Variants in TBC1D14 observed in about 807,000 individuals in gnomAD.
The protein encoded by TBC1D14 is TBC1 domain family, member 14.
In TBC1D14, 26 loss-of-function variants were observed where a neutral mutation model predicts 79.0. The ratio of observed to expected loss-of-function variants is 0.33; its 90% CI spans 0.24 to 0.46. TBC1D14 has a LOEUF of 0.46. TBC1D14 is among the 20% of genes least tolerant of loss of function. The probability of loss-of-function intolerance (pLI) is 1.00; values close to 1 mark genes in which losing one functional copy is unlikely to be tolerated. For missense variants in TBC1D14, 769 were observed against 887.6 expected, an observed-to-expected ratio of 0.87 and a Z score of 1.70; for synonymous variants, 394 against 349.9, an observed-to-expected ratio of 1.13 and a Z score of -1.40.
intron 6 of TBC1D14, among the ~76,000 whole-genome samples, chr4:6,999,645 G>T (rs1356892724): frequency 6.6e-6 from 1 of 152,172 alleles, no homozygotes; most frequent in African/African-American, 2.4e-5. Context: ...TAAACCTGGG[G>T]CCTCGCATGT....
intron 2 of TBC1D14, among the ~76,000 whole-genome samples, chr4:6,924,412 G>A (rs1321277598): frequency 6.6e-6 from 1 of 152,166 alleles, no homozygotes; most frequent in Non-Finnish European, 1.5e-5. Context: ...GAGCCTCTGC[G>A]GGGCCCTGTG....
rs570031474 is a variant in TBC1D14 at position 6,939,478 on chromosome 4, A to G, written c.722+15367A>G. Among the ~76,000 whole-genome samples the G allele has an allele frequency of 1.1e-4, 16 of 152,224 alleles. No homozygotes were observed. In the South Asian group the frequency reaches 3.1e-3, roughly 30 times the overall value. Reference sequence around the variant, plus strand: ...TCTCACTTATTGTACGCTGGTGCTCATTAGAACTCAGCAAGTGCTTGCCAG... The same window carrying G: ...TCTCACTTATTGTACGCTGGTGCTCGTTAGAACTCAGCAAGTGCTTGCCAG... On this transcript the variant is annotated intron_variant, in intron 2 of 13. Transcript: ENST00000409757.
intron 12 of TBC1D14, among the ~76,000 whole-genome samples, chr4:7,022,993 C>T (rs1414431650): frequency 3.3e-5 from 5 of 152,160 alleles, no homozygotes; most frequent in African/African-American, 7.2e-5. Flanking sequence ...TGGTGGCTCA[C>T]GCCTGTAATC....
At chr4:6,979,543 C>T (rs1054316254) in intron 3 of TBC1D14, among the ~76,000 whole-genome samples, 5 of 152,024 alleles carry the variant, frequency 3.3e-5, no homozygotes, top group African/African-American at 1.2e-4. Context: ...ATCGCTTGAG[C>T]CCAGGAGTTT....
At chr4:6,929,730 T>A (rs940456271) in intron 2 of TBC1D14, among the ~76,000 whole-genome samples, 1 of 152,174 alleles carries the variant, frequency 6.6e-6, no homozygotes, top group African/African-American at 2.4e-5. Flanking sequence ...AAGATGAAAG[T>A]CTGCACAGGA....
At chr4:6,921,166 C>G (rs1426840896) in intron 1 of TBC1D14, among the ~76,000 whole-genome samples, 2 of 151,990 alleles carry the variant, frequency 1.3e-5, no homozygotes, top group African/African-American at 4.8e-5. Context: ...TGCCACATAC[C>G]CTCCCTTCCT....
Position 6,923,806 on chromosome 4 carries a change from G to C in TBC1D14, c.417G>C (p.Lys139Asn). Residue 139 changes from lysine to asparagine, a missense_variant, in exon 2 of 14, where the codon AAG becomes AAC. By Grantham distance (94) the Lys-to-Asn change is moderately conservative. Coordinates refer to ENST00000409757, the MANE Select transcript of TBC1D14 (RefSeq NM_020773.3). ...TFPRTGYDSVKLYSPTSKALT... is the reference protein window; with the variant it reads ...TFPRTGYDSVNLYSPTSKALT... ...CCAGGACAGGCTATGACTCGGTAAA[G>C]CTCTATAGCCCGACCTCCAAAGCCC... is the stretch of plus-strand genomic sequence containing the variant. 3 of 1,614,162 alleles carry C rather than the reference G, an allele frequency of 1.9e-6. No individual in the cohort carries two copies. The highest frequency in any genetic ancestry group is 2.5e-6 in the Non-Finnish European group (3 of 1,180,046).
At chr4:6,950,939 A>G (rs2109002089) in intron 2 of TBC1D14, among the ~76,000 whole-genome samples, 1 of 152,324 alleles carries the variant, frequency 6.6e-6, no homozygotes, top group East Asian at 1.9e-4. Context: ...CTGTTTTCTC[A>G]AAGAGTTTCT....
chr4:6,988,042 G>C (rs1019073443), intron 3 of TBC1D14, among the ~76,000 whole-genome samples: 2 of 152,200 alleles, frequency 1.3e-5, no homozygotes, highest in Non-Finnish European at 2.9e-5. Context: ...CTTACTGTGA[G>C]GTCAGGCTTC....
In TBC1D14 at chr4:7,004,817, A is replaced by G. The variant is rs755766812; in HGVS notation, c.1271-27A>G. The G allele has an allele frequency of 2.5e-6, 4 of 1,612,722 alleles. No individual in the cohort carries two copies. The South Asian group carries it at 4.4e-5, about 18-fold the overall frequency. ...TTGACGAAAAATACATGTGCACGTA[A>G]TACTTACCCAGAGGCTTTTCTTCCA... On this transcript the variant is annotated intron_variant, in intron 7 of 13. Coordinates refer to ENST00000409757, the MANE Select transcript of TBC1D14 (RefSeq NM_020773.3).
chr4:7,028,705 G>C (rs760067775), intron 13 of TBC1D14, among the ~76,000 whole-genome samples: 3 of 151,828 alleles, frequency 2.0e-5, no homozygotes, highest in Non-Finnish European at 2.9e-5. Context: ...GATTATAGGC[G>C]TGAGCCACCA....
At chr4:6,972,555 G>A (rs995628807) in intron 3 of TBC1D14, among the ~76,000 whole-genome samples, 2 of 152,124 alleles carry the variant, frequency 1.3e-5, no homozygotes, top group Non-Finnish European at 2.9e-5. Context: ...GCCCTTCCCT[G>A]TCCACTGTCA....
chr4:6,953,340 G>T (rs1445284900), intron 2 of TBC1D14, among the ~76,000 whole-genome samples: 2 of 134,818 alleles, frequency 1.5e-5, no homozygotes, highest in Non-Finnish European at 3.2e-5. Flanking sequence ...TAGATCAGTT[G>T]GCCGGGCGCG....
chr4:6,978,150 C>A (rs760442229), intron 3 of TBC1D14, among the ~76,000 whole-genome samples: 3 of 146,160 alleles, frequency 2.1e-5, no homozygotes, highest in Non-Finnish European at 3.0e-5. Flanking sequence ...CTAGCCGCCC[C>A]GTCCGGGAGG....
In TBC1D14 at chr4:7,030,366, A is replaced by G. The variant is rs1722935703; in HGVS notation, c.2056A>G (p.Lys686Glu). The G allele has an allele frequency of 6.2e-7, 1 of 1,613,934 alleles. No individual in the cohort carries two copies. The highest frequency in any genetic ancestry group is 1.1e-5 in the South Asian group (1 of 91,072). The change falls in exon 14 of 14, where the codon AAG (lysine) becomes GAG (glutamate). Residue 686 changes from lysine (K) to glutamate (E), a missense_variant. Physicochemically the swap from Lys to Glu is moderately conservative, Grantham distance 56. Coordinates refer to ENST00000409757, the MANE Select transcript of TBC1D14 (RefSeq NM_020773.3). ...ALQKDSREMEKGSPSLRH is the reference protein window; with the variant it reads ...ALQKDSREMEEGSPSLRH ...GCAGAAAGACAGCCGGGAAATGGAG[A>G]AGGGAAGTCCGTCCCTCCGACACTG...
intron 2 of TBC1D14, among the ~76,000 whole-genome samples, chr4:6,925,189 A>G (rs1323051513): frequency 6.6e-6 from 1 of 152,074 alleles, no homozygotes; most frequent in Non-Finnish European, 1.5e-5. Context: ...GCTACTTGGG[A>G]GGAGGAGGCA....
At chr4:6,972,647 G>T (rs1716325093) in intron 3 of TBC1D14, among the ~76,000 whole-genome samples, 2 of 152,112 alleles carry the variant, frequency 1.3e-5, no homozygotes. Flanking sequence ...TGAAGCTATG[G>T]TTTTTGTTTT....
chr4:7,015,460 G>A (rs1424026698), intron 12 of TBC1D14, among the ~76,000 whole-genome samples: 2 of 152,162 alleles, frequency 1.3e-5, no homozygotes, highest in African/African-American at 4.8e-5. Flanking sequence ...CTTCAGATGG[G>A]TGATTTTGAG....
At chr4:7,013,693 C>T (rs953095292) in intron 11 of TBC1D14, among the ~76,000 whole-genome samples, 5 of 150,462 alleles carry the variant, frequency 3.3e-5, no homozygotes, top group African/African-American at 9.9e-5. Context: ...AGTCGTGTAG[C>T]CCCCTGGAAG....
Sources: allele counts gnomAD v4.1 joint callset (sites outside exome capture counted in the v4.1 genomes callset), GRCh38; gene constraint gnomAD v4.1.1; transcripts MANE v1.5; gene names NCBI Gene and HGNC (gene_info 2026-07-23, HGNC 2026-07-21).